The following FAT3 variants were observed in gnomAD, a reference collection of about 807,000 sequenced individuals.
FAT3 encodes the protein FAT atypical cadherin 3, also known as protocadherin Fat 3.
In FAT3, 95 loss-of-function variants were observed where a neutral mutation model predicts 310.2. That is an observed-to-expected ratio of 0.31 (90% CI 0.26 to 0.36). The LOEUF is 0.36. FAT3 is among the 10% of genes least tolerant of loss of function. FAT3 has a pLI of 1.00. For missense variants in FAT3, 5,408 were observed against 5,715.6 expected, an observed-to-expected ratio of 0.95 and a Z score of 1.74; for synonymous variants, 2,314 against 2,192.9, an observed-to-expected ratio of 1.06 and a Z score of -1.54.
At chr11:92,582,368 G>A (rs183187097) in intron 3 of FAT3, among the ~76,000 whole-genome samples, 1 of 152,028 alleles carries the variant, frequency 6.6e-6, no homozygotes, top group East Asian at 1.9e-4. Context: ...TCTGGTTCAC[G>A]TGCCTCTGAC....
intron 25 of FAT3, 120 bp downstream of exon 25, chr11:92,887,233 G>T (rs768603688): frequency 7.3e-6 from 6 of 820,332 alleles, no homozygotes; most frequent in Non-Finnish European, 9.7e-6. Flanking sequence ...GGGCTTTTGA[G>T]CGTGTTCACC....
intron 1 of FAT3, among the ~76,000 whole-genome samples, chr11:92,332,804 A>G (rs1172414227): frequency 2.6e-5 from 4 of 152,162 alleles, no homozygotes; most frequent in African/African-American, 4.8e-5. Flanking sequence ...CTTCTATTCC[A>G]TAGAGTTCCT....
chr11:92,255,495 CTGAT>C (rs1253505127), intron 1 of FAT3, among the ~76,000 whole-genome samples: 1 of 152,008 alleles, frequency 6.6e-6, no homozygotes, highest in East Asian at 1.9e-4. Context: ...ATATGAATGA[CTGAT>C]TGAATCACTG....
In FAT3 at chr11:92,654,502, G is replaced by A. The variant is rs145693248; in HGVS notation, c.3608-42882G>A. 1.0e-3 allele frequency among the ~76,000 whole-genome samples: 154 copies of A among 152,238 alleles called. 1 individual carries two copies. Among genetic ancestry groups the A allele is most frequent in the African/African-American group, 2.7e-3 (112 of 41,534 alleles). On this transcript the variant is annotated intron_variant, in intron 3 of 27. Transcript: ENST00000525166. Reference sequence around the variant, plus strand: ...TTCCATCTCCATAAATGGTGCTACCGTCTGCCTAGCTATGCAGGCCAAAAA... The same window carrying A: ...TTCCATCTCCATAAATGGTGCTACCATCTGCCTAGCTATGCAGGCCAAAAA...
intron 3 of FAT3, among the ~76,000 whole-genome samples, chr11:92,553,418 C>A (rs1954888234): frequency 6.6e-6 from 1 of 152,184 alleles, no homozygotes; most frequent in Non-Finnish European, 1.5e-5. Flanking sequence ...CTTCAAAGAG[C>A]TTAGAGTTTG....
intron 19 of FAT3, among the ~76,000 whole-genome samples, chr11:92,850,600 T>C (rs1366677391): frequency 6.6e-6 from 1 of 152,208 alleles, no homozygotes; most frequent in East Asian, 1.9e-4. Context: ...TATGTGGCAT[T>C]TGCCAGGACA....
At chr11:92,707,348 C>T (rs1036832530) in intron 4 of FAT3, among the ~76,000 whole-genome samples, 2 of 152,208 alleles carry the variant, frequency 1.3e-5, no homozygotes, top group Non-Finnish European at 2.9e-5. Context: ...GAGCTGTGCA[C>T]ACAGGCCTTA....
chr11:92,363,669 C>G (rs917599951), intron 2 of FAT3, among the ~76,000 whole-genome samples: 24 of 152,178 alleles, frequency 1.6e-4, no homozygotes, highest in Non-Finnish European at 3.2e-4. Context: ...CCATCTAAAT[C>G]AAAAGAGGCT....
At chr11:92,480,061 C>T (rs894957583) in intron 2 of FAT3, among the ~76,000 whole-genome samples, 2 of 151,960 alleles carry the variant, frequency 1.3e-5, no homozygotes, top group African/African-American at 4.8e-5. Flanking sequence ...GTCAGAAGAT[C>T]GAGACCATCC....
intron 4 of FAT3, among the ~76,000 whole-genome samples, chr11:92,731,244 C>T (rs996324277): frequency 6.6e-5 from 10 of 152,114 alleles, no homozygotes; most frequent in African/African-American, 2.4e-4. Flanking sequence ...ATCATTTGTT[C>T]ATTATTGGTG....
intron 22 of FAT3, among the ~76,000 whole-genome samples, chr11:92,871,439 G>A (rs1384214813): frequency 6.6e-6 from 1 of 152,112 alleles, no homozygotes; most frequent in South Asian, 2.1e-4. Context: ...ATTTTAACAA[G>A]ATCCCTAGGT....
intron 2 of FAT3, among the ~76,000 whole-genome samples, chr11:92,376,270 A>G (rs1191196158): frequency 3.3e-5 from 5 of 152,262 alleles, no homozygotes; most frequent in African/African-American, 9.6e-5. Flanking sequence ...AGGCTTCTGC[A>G]TTCTTTTGTC....
chr11:92,413,462 G>A (rs1435764010), intron 2 of FAT3, among the ~76,000 whole-genome samples: 1 of 152,104 alleles, frequency 6.6e-6, no homozygotes, highest in Non-Finnish European at 1.5e-5. Flanking sequence ...AGTTTATTTA[G>A]ATAACACCTG....
intron 3 of FAT3, among the ~76,000 whole-genome samples, chr11:92,572,077 C>A (rs182914587): frequency 1.4e-4 from 22 of 152,298 alleles, no homozygotes; most frequent in African/African-American, 5.3e-4. Context: ...GCCGAGTGCT[C>A]CATGTGCCTG....
intron 1 of FAT3, among the ~76,000 whole-genome samples, chr11:92,306,348 T>C (rs1028925467): frequency 6.6e-6 from 1 of 150,500 alleles, no homozygotes; most frequent in African/African-American, 2.4e-5. Flanking sequence ...GTAGAGTCCA[T>C]AGTGGTGCTC....
intron 19 of FAT3, among the ~76,000 whole-genome samples, chr11:92,847,466 T>TGCTTA (rs1418828841): frequency 2.0e-5 from 3 of 152,182 alleles, no homozygotes; most frequent in African/African-American, 7.2e-5. Flanking sequence ...TTTCACAGAA[T>TGCTTA]ATATCCCCAT....
At chr11:92,809,145 A>G (rs757897944) in intron 12 of FAT3, among the ~76,000 whole-genome samples, 11 of 152,176 alleles carry the variant, frequency 7.2e-5, no homozygotes, top group Non-Finnish European at 1.6e-4. Flanking sequence ...CAATGCAGCT[A>G]TTCCAGTGGT....
At chr11:92,616,737 C>A (rs996938201) in intron 3 of FAT3, among the ~76,000 whole-genome samples, 2 of 152,110 alleles carry the variant, frequency 1.3e-5, no homozygotes, top group Admixed American at 1.3e-4. Context: ...CACTTGTGAG[C>A]TTATTTTGGC....
chr11:92,265,318 C>T (rs898222057), intron 1 of FAT3, among the ~76,000 whole-genome samples: 1 of 151,820 alleles, frequency 6.6e-6, no homozygotes, highest in Non-Finnish European at 1.5e-5. Context: ...ATTACGCTGC[C>T]GTATGGTTTT....
Sources: gnomAD v4.1 joint callset for allele counts (sites outside exome capture counted in the v4.1 genomes callset) on GRCh38, gnomAD v4.1.1 for gene constraint, MANE v1.5 for transcripts, NCBI Gene and HGNC (gene_info 2026-07-23, HGNC 2026-07-21) for gene names.